ATOSA: variants seen among roughly 807,000 people sequenced by gnomAD.
ATOSA encodes atos homolog protein A.
At chr15:52,678,330 ATG>A in the ATOSA span, 1 of 532,012 alleles carries the variant, frequency 1.9e-6, no homozygotes, top group Non-Finnish European at 3.4e-6. Flanking sequence ...CTCCAGGCCA[ATG>A]TGTCCTTCTG....
the ATOSA span, among the ~76,000 whole-genome samples, chr15:52,629,315 A>G: frequency 6.6e-6 from 1 of 152,104 alleles, no homozygotes; most frequent in East Asian, 1.9e-4. Context: ...AAAGAGTGGT[A>G]TATTTGTTAC....
the ATOSA span, among the ~76,000 whole-genome samples, chr15:52,708,219 T>C: frequency 6.6e-6 from 1 of 152,158 alleles, no homozygotes; most frequent in East Asian, 1.9e-4. Flanking sequence ...GACAGCTTAC[T>C]CCTTCCAGAG....
At chr15:52,706,452 G>A in the ATOSA span, among the ~76,000 whole-genome samples, 1 of 152,146 alleles carries the variant, frequency 6.6e-6, no homozygotes, top group Non-Finnish European at 1.5e-5. Context: ...TTGCAGGACT[G>A]GGCAAATGAA....
At chr15:52,589,793 A>AT in the ATOSA span, among the ~76,000 whole-genome samples, 445 of 145,400 alleles carry the variant, frequency 3.1e-3, 1 homozygote, top group East Asian at 9.5e-3. Flanking sequence ...TTCTTCTGGC[A>AT]TTTTTTTTTT....
At chr15:52,589,388 G>A in the ATOSA span, among the ~76,000 whole-genome samples, 1 of 151,924 alleles carries the variant, frequency 6.6e-6, no homozygotes, top group Non-Finnish European at 1.5e-5. Flanking sequence ...ATAACTACAC[G>A]TAATATATTA....
the ATOSA span, among the ~76,000 whole-genome samples, chr15:52,652,449 C>A: frequency 6.6e-6 from 1 of 152,028 alleles, no homozygotes; most frequent in Non-Finnish European, 1.5e-5. Flanking sequence ...TGTATAAATA[C>A]AAAAATTTAC....
the ATOSA span, chr15:52,584,700 A>AC: frequency 3.9e-6 from 6 of 1,529,092 alleles, no homozygotes; most frequent in Admixed American, 1.2e-4. Context: ...TAAAAATTTT[A>AC]GAGTTGTTCT....
the ATOSA span, among the ~76,000 whole-genome samples, chr15:52,620,098 A>G: frequency 6.6e-6 from 1 of 152,158 alleles, no homozygotes; most frequent in Non-Finnish European, 1.5e-5. Context: ...CAGCTTCTTA[A>G]AATTCCCCAC....
the ATOSA span, among the ~76,000 whole-genome samples, chr15:52,631,680 A>G: frequency 6.6e-6 from 1 of 152,186 alleles, no homozygotes; most frequent in Non-Finnish European, 1.5e-5. Flanking sequence ...TTTAACACTC[A>G]AACTGAAAGC....
the ATOSA span, among the ~76,000 whole-genome samples, chr15:52,683,785 C>T: frequency 6.6e-6 from 1 of 152,224 alleles, no homozygotes; most frequent in African/African-American, 2.4e-5. Context: ...TTCTTACCCA[C>T]TATCTGTTAC....
chr15:52,639,097 A>C, the ATOSA span, among the ~76,000 whole-genome samples: 1 of 151,888 alleles, frequency 6.6e-6, no homozygotes, highest in Non-Finnish European at 1.5e-5. Context: ...AAAAAAAAAA[A>C]AAGTCCACCC....
chr15:52,602,645 C>T, the ATOSA span, among the ~76,000 whole-genome samples: 2 of 152,246 alleles, frequency 1.3e-5, no homozygotes, highest in South Asian at 2.1e-4. Flanking sequence ...AGAACCCCTA[C>T]CATGTGTGGC....
At chr15:52,586,887 T>C in the ATOSA span, 23 of 355,082 alleles carry the variant, frequency 6.5e-5, no homozygotes, top group Non-Finnish European at 9.4e-5. Flanking sequence ...GTTCTAAATA[T>C]GTATTGAAGA....
the ATOSA span, among the ~76,000 whole-genome samples, chr15:52,654,223 C>G: frequency 1.3e-5 from 2 of 152,120 alleles, no homozygotes; most frequent in South Asian, 4.2e-4. Context: ...TTAGTCACAA[C>G]ATGTAATTAT....
the ATOSA span, among the ~76,000 whole-genome samples, chr15:52,616,623 T>C: frequency 2.6e-5 from 4 of 152,056 alleles, no homozygotes; most frequent in South Asian, 2.1e-4. Flanking sequence ...ACAAAGCCAA[T>C]TGATTCAAAG....
the ATOSA span, among the ~76,000 whole-genome samples, chr15:52,633,889 G>A: frequency 6.6e-6 from 1 of 151,958 alleles, no homozygotes; most frequent in Admixed American, 6.6e-5. Flanking sequence ...TGCATTGTGG[G>A]ATTTATAACA....
At chr15:52,705,613 C>T in the ATOSA span, among the ~76,000 whole-genome samples, 1 of 152,038 alleles carries the variant, frequency 6.6e-6, no homozygotes, top group Non-Finnish European at 1.5e-5. Flanking sequence ...ATAACAGGTA[C>T]ACTGCAAAAG....
chr15:52,612,607 C>T, the ATOSA span, among the ~76,000 whole-genome samples: 11 of 150,098 alleles, frequency 7.3e-5, no homozygotes, highest in Admixed American at 2.7e-4. Flanking sequence ...TGGGTTCAAG[C>T]GAATCTCCTG....
the ATOSA span, among the ~76,000 whole-genome samples, chr15:52,709,403 A>T: frequency 6.6e-6 from 1 of 152,186 alleles, no homozygotes; most frequent in African/African-American, 2.4e-5. Context: ...AATGTTTCTC[A>T]TATCTGCTGA....
Sources: gnomAD v4.1 joint callset for allele counts (sites outside exome capture counted in the v4.1 genomes callset) on GRCh38, gnomAD v4.1.1 for gene constraint, MANE v1.5 for transcripts, NCBI Gene and HGNC (gene_info 2026-07-23, HGNC 2026-07-21) for gene names.